Variants in SP110 observed in about 807,000 individuals in gnomAD.
The protein encoded by SP110 is interferon-induced protein 41, 30kD.
SP110 carries 62 observed loss-of-function variants against 92.7 expected under a neutral mutation model. That is an observed-to-expected ratio of 0.67 (90% CI 0.55 to 0.83). SP110 has a LOEUF of 0.83. SP110 is among the 40% of genes least tolerant of loss of function. The probability of loss-of-function intolerance (pLI) is 0.00; values close to 1 mark genes in which losing one functional copy is unlikely to be tolerated. For synonymous variants in SP110, 273 were observed against 305.3 expected, an observed-to-expected ratio of 0.89 and a Z score of 1.10; for missense variants, 793 against 863.9, an observed-to-expected ratio of 0.92 and a Z score of 1.03.
chr2:230,190,974 C>G (rs1040897278), intron 10 of SP110, among the ~76,000 whole-genome samples: 2 of 152,034 alleles, frequency 1.3e-5, no homozygotes, highest in African/African-American at 2.4e-5. Flanking sequence ...TCGTATTGTT[C>G]AAAGTCAGGT....
Position 230,183,556 on chromosome 2 carries a change from T to A in SP110, c.1348+16A>T. Reference sequence around the variant, plus strand: ...TGGGGAGCCCAGTGGGGAGGCGCTGTGGCTTGCTTGCTTACCTCTTCGGTG... The same window carrying A: ...TGGGGAGCCCAGTGGGGAGGCGCTGAGGCTTGCTTGCTTACCTCTTCGGTG... On this transcript the variant is annotated intron_variant, in intron 12 of 18. Coordinates refer to ENST00000258381, the MANE Select transcript of SP110 (RefSeq NM_080424.4). 6.3e-7 allele frequency: 1 copy of A among 1,591,566 alleles called. No homozygotes were observed. Among genetic ancestry groups the A allele is most frequent in the Non-Finnish European group, 8.6e-7 (1 of 1,159,486 alleles).
intron 14 of SP110, among the ~76,000 whole-genome samples, chr2:230,176,990 T>G (rs1210786988): frequency 6.6e-6 from 1 of 152,334 alleles, no homozygotes; most frequent in Middle Eastern, 3.4e-3. Context: ...TCCTTTCTCC[T>G]TCCATTTCTC....
upstream of SP110, among the ~76,000 whole-genome samples, chr2:230,221,021 G>A (rs1294046231): frequency 1.3e-5 from 2 of 151,732 alleles, no homozygotes; most frequent in African/African-American, 4.8e-5. Context: ...GGTGGCTCAC[G>A]CCTGTAATCC....
At position 230,172,020 on chromosome 2, in the gene SP110, G is replaced by A. The variant is rs143164549; in HGVS notation, c.1815+46C>T. 1.7e-4 allele frequency: 198 copies of A among 1,166,462 alleles called. No individual in the cohort carries two copies. The African/African-American group carries it at 2.6e-3, about 16-fold the overall frequency. The allele number at this position is 1,166,462 out of a possible 1,614,324, so 72.3% of individuals were successfully genotyped here. A position where few individuals can be genotyped will look rare whatever the true frequency, so the allele number is the denominator to read the frequency against. ...GACCCTGTGCCTGTTTGTGCTTCTC[G>A]TGTGAGAAGGGAAAAGTATAGGTTT... On this transcript the variant is annotated intron_variant, in intron 16 of 18. Coordinates refer to ENST00000258381, the MANE Select transcript of SP110 (RefSeq NM_080424.4).
rs2303540 is a variant in SP110, at chr2:230,203,004, C to G, written c.899-276G>C. ...GCTGGGGAAATCCTAGAGCTTATTT[C>G]CTGATTTTCGTTTGTGTCGGCCTGC... On this transcript the variant is annotated intron_variant, in intron 8 of 18. Transcript: ENST00000258381. 8.5e-3 allele frequency: 3,984 copies of G among 470,592 alleles called. 79 individuals carry two copies. The highest frequency in any genetic ancestry group is 0.056 in the African/African-American group (2,871 of 50,940). The allele number at this position is 470,592 out of a possible 1,614,324, so 29.2% of individuals were successfully genotyped here. A position where few individuals can be genotyped will look rare whatever the true frequency, so the allele number is the denominator to read the frequency against.
At chr2:230,194,464 A>G (rs1488642895) in intron 10 of SP110, among the ~76,000 whole-genome samples, 1 of 126,512 alleles carries the variant, frequency 7.9e-6, no homozygotes, top group African/African-American at 2.9e-5. Flanking sequence ...AATTAAAAAA[A>G]GAAAAAGGGA....
At chr2:230,199,571 T>G (rs1302595271) in intron 10 of SP110, among the ~76,000 whole-genome samples, 1 of 152,044 alleles carries the variant, frequency 6.6e-6, no homozygotes, top group Non-Finnish European at 1.5e-5. Flanking sequence ...CTTTTCTATG[T>G]TGAAAAAAAG....
At chr2:230,198,874 T>C (rs900415455) in intron 10 of SP110, among the ~76,000 whole-genome samples, 2 of 152,150 alleles carry the variant, frequency 1.3e-5, no homozygotes, top group Admixed American at 1.3e-4. Context: ...AAATTATTAA[T>C]GATAGCAAAT....
chr2:230,192,496 C>A (rs2042682877), intron 10 of SP110, among the ~76,000 whole-genome samples: 1 of 152,052 alleles, frequency 6.6e-6, no homozygotes, highest in African/African-American at 2.4e-5. Flanking sequence ...CAACAATAGG[C>A]AAGCAGAGAG....
chr2:230,191,181 G>A (rs2042615477), intron 10 of SP110, among the ~76,000 whole-genome samples: 1 of 152,078 alleles, frequency 6.6e-6, no homozygotes, highest in African/African-American at 2.4e-5. Flanking sequence ...GCCCACATCA[G>A]GAAGCTAGAA....
At chr2:230,206,977 T>C (rs1574713310) in intron 8 of SP110, among the ~76,000 whole-genome samples, 1 of 152,190 alleles carries the variant, frequency 6.6e-6, no homozygotes, top group East Asian at 1.9e-4. Flanking sequence ...CCCTAGGTAT[T>C]TATATATCAC....
chr2:230,176,445 G>C (rs1294410870), intron 14 of SP110: 2 of 1,418,768 alleles, frequency 1.4e-6, no homozygotes, highest in Non-Finnish European at 1.8e-6. Flanking sequence ...CAAATATCCA[G>C]ATCTTTTTCT....
intron 10 of SP110, among the ~76,000 whole-genome samples, chr2:230,189,955 A>G (rs1174237315): frequency 1.3e-5 from 2 of 151,980 alleles, no homozygotes; most frequent in East Asian, 3.9e-4. Flanking sequence ...TGGATTCTTT[A>G]TCCAGCATTT....
upstream of SP110, among the ~76,000 whole-genome samples, chr2:230,224,887 T>A (rs1428086604): frequency 1.3e-4 from 20 of 152,252 alleles, no homozygotes; most frequent in Admixed American, 1.3e-3. Flanking sequence ...TGTGGTTATA[T>A]TTTTTATATT....
In SP110 at chr2:230,172,919, C is replaced by T; in HGVS notation, c.1631G>A (p.Gly544Glu). ...ACAAGTACCGCAGCAGAGAAGTTGT[C>T]CCCCTTGACAGCACACCTCGCATTC... ...SDECEVCCQGGQLLCCGTCPR... is the reference protein window; with the variant it reads ...SDECEVCCQGEQLLCCGTCPR... Residue 544 changes from glycine to glutamate, a missense_variant, in exon 15 of 19, where the codon GGA becomes GAA. By Grantham distance (98) the Gly-to-Glu change is moderately conservative. Transcript: ENST00000258381. 1 of 1,614,138 alleles carries T rather than the reference C, an allele frequency of 6.2e-7. No homozygotes were observed. Among genetic ancestry groups the T allele is most frequent in the East Asian group, 2.2e-5 (1 of 44,882 alleles).
intron 14 of SP110, chr2:230,177,235 G>A: frequency 2.4e-6 from 1 of 422,978 alleles, no homozygotes; most frequent in Non-Finnish European, 4.4e-6. Context: ...ATGCAGGGGA[G>A]TGGTTGCAGG....
chr2:230,170,133 G>A (rs1018413985), intron 18 of SP110, among the ~76,000 whole-genome samples: 34 of 152,234 alleles, frequency 2.2e-4, no homozygotes, highest in Admixed American at 2.1e-3. Flanking sequence ...CCCTAGTAAA[G>A]GAGGATGAAA....
At chr2:230,173,366 G>A (rs1285994084) in intron 14 of SP110, 2 of 274,874 alleles carry the variant, frequency 7.3e-6, no homozygotes, top group South Asian at 3.8e-5. Flanking sequence ...AGGAGTATGG[G>A]AACTGTTGTT....
At chr2:230,215,250 C>G in intron 2 of SP110, 132 bp from the exon 3 acceptor site, 1 of 747,360 alleles carries the variant, frequency 1.3e-6, no homozygotes, top group South Asian at 1.7e-5. Context: ...AATATATAGT[C>G]ACATTCTCTA....
Sources: allele counts gnomAD v4.1 joint callset (sites outside exome capture counted in the v4.1 genomes callset), GRCh38; gene constraint gnomAD v4.1.1; transcripts MANE v1.5; gene names NCBI Gene and HGNC (gene_info 2026-07-23, HGNC 2026-07-21).